Variants in SVOPL observed in about 807,000 individuals in gnomAD.
SVOPL encodes SVOP like.
A neutral mutation model predicts 61.0 loss-of-function variants in SVOPL; 60 were observed. That is an observed-to-expected ratio of 0.98 (90% CI 0.80 to 1.22). SVOPL has a LOEUF of 1.22. SVOPL is among the 50% of genes most tolerant of loss of function. The pLI, the probability that SVOPL is intolerant of heterozygous loss-of-function variation, is 0.00. For synonymous variants in SVOPL, 279 were observed against 250.0 expected (o/e 1.12, Z -1.09); for missense variants, 662 against 643.9 (o/e 1.03, Z -0.30).
At chr7:138,645,030 A>T (rs1005368911) in intron 8 of SVOPL, among the ~76,000 whole-genome samples, 185 bp from the exon 9 acceptor site, 1 of 152,180 alleles carries the variant, frequency 6.6e-6, no homozygotes, top group Non-Finnish European at 1.5e-5. Context: ...AAAAAAGGTC[A>T]TGTTCTCCTT....
At chr7:138,641,699 A>T (rs940389408) in intron 9 of SVOPL, among the ~76,000 whole-genome samples, 1 of 149,758 alleles carries the variant, frequency 6.7e-6, no homozygotes, top group African/African-American at 2.4e-5. Context: ...GATAACCTCA[A>T]AATTTATGAA....
At position 138,594,522 on chromosome 7, in the gene SVOPL, G is replaced by T; in HGVS notation, c.*88C>A. ...TTTACTAATTACCGAGTAGCATACA[G>T]AAGTAAAACCAAGTTTTAAAAAAAT... On this transcript the variant is annotated 3_prime_UTR_variant, in exon 16 of 16. Coordinates refer to ENST00000674285, the MANE Select transcript of SVOPL (RefSeq NM_001139456.2). 1 of 1,293,818 alleles carries T rather than the reference G, an allele frequency of 7.7e-7. No homozygotes were observed. The highest frequency in any genetic ancestry group is 1.1e-6 in the Non-Finnish European group (1 of 923,856). 80.1% of individuals were successfully genotyped at this position (1,293,818 alleles called of 1,614,324 possible). A position where few individuals can be genotyped will look rare whatever the true frequency, so the allele number is the denominator to read the frequency against.
intron 14 of SVOPL, among the ~76,000 whole-genome samples, chr7:138,597,900 C>T (rs1490128381): frequency 1.3e-5 from 2 of 152,056 alleles, no homozygotes; most frequent in Non-Finnish European, 2.9e-5. Flanking sequence ...GGTGTGAGAC[C>T]CGGATGGGTT....
chr7:138,626,849 A>G (rs544004179), intron 12 of SVOPL, among the ~76,000 whole-genome samples: 1 of 45,140 alleles, frequency 2.2e-5, no homozygotes, highest in Non-Finnish European at 5.0e-5. Context: ...ACCTGTCTCA[A>G]AGAAAAAAAA....
At chr7:138,666,631 G>T (rs1802270815) in intron 4 of SVOPL, among the ~76,000 whole-genome samples, 1 of 152,142 alleles carries the variant, frequency 6.6e-6, no homozygotes, top group East Asian at 1.9e-4. Flanking sequence ...CATTCTTTTT[G>T]GATAAGCTAC....
intron 9 of SVOPL, among the ~76,000 whole-genome samples, chr7:138,632,612 G>A (rs1432315244): frequency 6.6e-6 from 1 of 151,854 alleles, no homozygotes; most frequent in Non-Finnish European, 1.5e-5. Context: ...TGAGGTAGGA[G>A]AGGAAAAGCA....
intron 14 of SVOPL, among the ~76,000 whole-genome samples, chr7:138,610,574 A>C (rs958330991): frequency 6.6e-6 from 1 of 152,232 alleles, no homozygotes; most frequent in African/African-American, 2.4e-5. Context: ...AAAACTCTTA[A>C]ATCACTCAAA....
chr7:138,670,764 G>T (rs1383049690), intron 4 of SVOPL, among the ~76,000 whole-genome samples: 1 of 152,098 alleles, frequency 6.6e-6, no homozygotes, highest in Non-Finnish European at 1.5e-5. Context: ...TGGGGCACTA[G>T]GAAAGATGAA....
intron 10 of SVOPL, among the ~76,000 whole-genome samples, chr7:138,629,075 AT>A (rs1417285455): frequency 1.4e-5 from 2 of 141,990 alleles, no homozygotes; most frequent in Non-Finnish European, 3.0e-5. Context: ...AAACTGGGTT[AT>A]TTTTTCCTGT....
chr7:138,640,491 C>A (rs1313641023), intron 9 of SVOPL, among the ~76,000 whole-genome samples: 1 of 152,092 alleles, frequency 6.6e-6, no homozygotes, highest in Non-Finnish European at 1.5e-5. Context: ...CTCAGGTAAT[C>A]CACCCACCTC....
chr7:138,617,275 C>T (rs1195770872), intron 14 of SVOPL, among the ~76,000 whole-genome samples: 1 of 152,108 alleles, frequency 6.6e-6, no homozygotes, highest in Non-Finnish European at 1.5e-5. Flanking sequence ...CAGCCTGAAA[C>T]ATTCATTTTA....
chr7:138,599,846 C>A (rs1342778293), intron 14 of SVOPL, among the ~76,000 whole-genome samples: 1 of 147,994 alleles, frequency 6.8e-6, no homozygotes, highest in African/African-American at 2.5e-5. Context: ...TGAGGACACA[C>A]CACTGCACTC....
At chr7:138,675,350 TTTTTA>T (rs939612706) in intron 3 of SVOPL, among the ~76,000 whole-genome samples, 94 of 152,180 alleles carry the variant, frequency 6.2e-4, no homozygotes, top group African/African-American at 2.0e-3. Flanking sequence ...AACCCTTTAT[TTTTTA>T]TTTTATTTTT....
At position 138,628,257 on chromosome 7, in the gene SVOPL, C is replaced by G. The variant is rs200115398; in HGVS notation, c.970G>C (p.Gly324Arg). 51 of 1,614,078 alleles carry G rather than the reference C, an allele frequency of 3.2e-5. 1 individual carries two copies. In the South Asian group the frequency reaches 4.2e-4, roughly 13 times the overall value. Residue 324 changes from glycine (G) to arginine (R), a missense_variant, in exon 11 of 16, where the codon GGG (glycine) becomes CGG (arginine). Gly to Arg is a moderately radical substitution (Grantham distance 125). Transcript: ENST00000674285. ...CTCTGGCTCTCCCCTGAGTCCCCCC[C>G]AGTCACCACCACCGCAGAGTCTGAC... is the stretch of plus-strand genomic sequence containing the variant. Reference protein sequence around the residue: ...SKSDSAVVVTGGDSGESQSPC... With the variant: ...SKSDSAVVVTRGDSGESQSPC...
intron 5 of SVOPL, chr7:138,660,425 A>C: frequency 1.0e-6 from 1 of 986,966 alleles, no homozygotes; most frequent in Non-Finnish European, 1.2e-6. Context: ...AAATTAAGAA[A>C]TTGAAATCAC....
chr7:138,603,406 G>A (rs191169370), intron 14 of SVOPL, among the ~76,000 whole-genome samples: 311 of 152,290 alleles, frequency 2.0e-3, no homozygotes, highest in Non-Finnish European at 3.1e-3. Flanking sequence ...AAAGCAGGCC[G>A]GGTGCGGTGG....
At chr7:138,631,960 T>TCTCTCTCACACACACACACACA (rs935815206) in intron 9 of SVOPL, among the ~76,000 whole-genome samples, 11 of 147,068 alleles carry the variant, frequency 7.5e-5, no homozygotes, top group African/African-American at 2.8e-4. Flanking sequence ...TGCTCTGATA[T>TCTCTCTCACACACACACACACA]CACACACACA....
chr7:138,645,323 T>C (rs866023278), intron 8 of SVOPL, among the ~76,000 whole-genome samples: 3 of 152,092 alleles, frequency 2.0e-5, no homozygotes, highest in Non-Finnish European at 4.4e-5. Context: ...ATTTTGAACA[T>C]CGCACGCAGA....
intron 6 of SVOPL, among the ~76,000 whole-genome samples, chr7:138,658,292 C>A (rs370538692): frequency 5.3e-5 from 8 of 152,226 alleles, no homozygotes; most frequent in Middle Eastern, 3.4e-3. Context: ...TATTCCCCCC[C>A]CTCCCTTTTA....
Sources: gnomAD v4.1 joint callset for allele counts (sites outside exome capture counted in the v4.1 genomes callset) on GRCh38, gnomAD v4.1.1 for gene constraint, MANE v1.5 for transcripts, NCBI Gene and HGNC (gene_info 2026-07-23, HGNC 2026-07-21) for gene names.